CYP7B1: variants seen among roughly 807,000 people sequenced by gnomAD.
CYP7B1 encodes the protein cytochrome P450 family 7 subfamily B member 1.
In CYP7B1, 29 loss-of-function variants were observed where a neutral mutation model predicts 42.7. The ratio of observed to expected loss-of-function variants is 0.68; its 90% CI spans 0.51 to 0.93. CYP7B1 has a LOEUF of 0.93. Among genes scored for constraint, CYP7B1 ranks in the 40% least tolerant of loss-of-function variants. The pLI is 0.00. For missense variants in CYP7B1, 655 were observed against 600.5 expected, an observed-to-expected ratio of 1.09 and a Z score of -0.95; for synonymous variants, 235 against 218.2, an observed-to-expected ratio of 1.08 and a Z score of -0.68.
rs1018576985 is a variant in CYP7B1 at position 64,610,134 on chromosome 8, C to T, written c.1057+4892G>A. 3.9e-5 allele frequency among the ~76,000 whole-genome samples: 6 copies of T among 152,154 alleles called. No homozygotes were observed. In the South Asian group the frequency reaches 1.2e-3, roughly 31 times the overall value. The stretch of plus-strand genomic sequence containing the variant: ...ATTTAGATCTAAATACAATAATTTG[C>T]ATTTTAATTAAAGTTGCTTTTCAAT... On this transcript the variant is annotated intron_variant, in intron 4 of 5. Transcript: ENST00000310193.
chr8:64,791,571 G>A (rs548592831), intron 1 of CYP7B1, among the ~76,000 whole-genome samples: 58 of 152,296 alleles, frequency 3.8e-4, no homozygotes, highest in Non-Finnish European at 5.0e-4. Context: ...GCCTCCAGAC[G>A]CTGGAAAAGT....
chr8:64,688,247 C>T (rs1806686040), intron 1 of CYP7B1, among the ~76,000 whole-genome samples: 1 of 152,174 alleles, frequency 6.6e-6, no homozygotes, highest in African/African-American at 2.4e-5. Flanking sequence ...CTATCTCCAT[C>T]TTCTCTCTGA....
intron 1 of CYP7B1, among the ~76,000 whole-genome samples, chr8:64,694,713 T>C (rs1487249402): frequency 3.3e-5 from 5 of 152,220 alleles, no homozygotes; most frequent in African/African-American, 7.2e-5. Flanking sequence ...TGTGGAAGTA[T>C]TGATCCAAAA....
chr8:64,593,296 C>A lies in CYP7B1; in HGVS notation c.*3346G>T, dbSNP rs1187419535. On this transcript the variant is annotated 3_prime_UTR_variant, in exon 6 of 6. Transcript: ENST00000310193. ...GTGTGTGTGTGTGTGTAATCCAAGG[C>A]CTTTGCATAAAGCCAAGAACTTGCA... Among the ~76,000 whole-genome samples, 3 of 141,712 alleles carry A rather than the reference C, an allele frequency of 2.1e-5. No homozygotes were observed. Among genetic ancestry groups the A allele is most frequent in the Non-Finnish European group, 3.0e-5 (2 of 65,736 alleles). The allele number at this position is 141,712 out of a possible 152,430, so 93.0% of individuals were successfully genotyped here.
intron 1 of CYP7B1, among the ~76,000 whole-genome samples, chr8:64,790,650 G>A (rs974727177): frequency 1.4e-4 from 22 of 152,140 alleles, no homozygotes; most frequent in Admixed American, 3.9e-4. Flanking sequence ...TAATCAAAAC[G>A]TTTAACTAAC....
chr8:64,724,760 G>C (rs1419456560), intron 1 of CYP7B1, among the ~76,000 whole-genome samples: 2 of 152,116 alleles, frequency 1.3e-5, no homozygotes, highest in South Asian at 2.1e-4. Flanking sequence ...AGCAGCCTCA[G>C]AACGAAGATC....
intron 1 of CYP7B1, among the ~76,000 whole-genome samples, chr8:64,689,591 G>C (rs1036028496): frequency 1.3e-5 from 2 of 151,262 alleles, no homozygotes; most frequent in African/African-American, 4.9e-5. Context: ...TTTTGGACAG[G>C]GTCTCACTCT....
In CYP7B1 at chr8:64,591,716, G is replaced by A. The variant is rs1326116602; in HGVS notation, c.*4926C>T. On this transcript the variant is annotated 3_prime_UTR_variant, in exon 6 of 6. Coordinates refer to ENST00000310193, the MANE Select transcript of CYP7B1 (RefSeq NM_004820.5). ...GAAAGCCAAAACAAGGCAGATAAAAGTTTTCTTCTAGGTTGCTTATAAGCA... is the reference window on the plus strand; with the variant it reads ...GAAAGCCAAAACAAGGCAGATAAAAATTTTCTTCTAGGTTGCTTATAAGCA... Among the ~76,000 whole-genome samples, 1 of 152,142 alleles carries A rather than the reference G, an allele frequency of 6.6e-6. No individual in the cohort carries two copies. The highest frequency in any genetic ancestry group is 1.5e-5 in the Non-Finnish European group (1 of 68,010).
At chr8:64,751,695 A>G (rs1807727778) in intron 1 of CYP7B1, among the ~76,000 whole-genome samples, 1 of 152,180 alleles carries the variant, frequency 6.6e-6, no homozygotes, top group Non-Finnish European at 1.5e-5. Context: ...AACTGAAGCA[A>G]TATACTATGC....
intron 1 of CYP7B1, among the ~76,000 whole-genome samples, chr8:64,660,258 C>T (rs1029439286): frequency 1.2e-4 from 18 of 152,124 alleles, no homozygotes; most frequent in Admixed American, 3.3e-4. Context: ...ATTCCAGGAT[C>T]CATAATCTTA....
At chr8:64,646,396 A>C (rs1805955026) in intron 1 of CYP7B1, among the ~76,000 whole-genome samples, 1 of 152,354 alleles carries the variant, frequency 6.6e-6, no homozygotes, top group Admixed American at 6.5e-5. Context: ...GAAGGACATG[A>C]GCAGACACTT....
chr8:64,609,503 A>G (rs1243973915), intron 4 of CYP7B1, among the ~76,000 whole-genome samples: 1 of 152,226 alleles, frequency 6.6e-6, no homozygotes, highest in Non-Finnish European at 1.5e-5. Flanking sequence ...CAAAGTATGT[A>G]AAGACAACTA....
chr8:64,655,670 C>G (rs1041927325), intron 1 of CYP7B1, among the ~76,000 whole-genome samples: 3 of 152,090 alleles, frequency 2.0e-5, no homozygotes, highest in African/African-American at 7.2e-5. Flanking sequence ...TGTATATACC[C>G]AGAGGAATAT....
intron 1 of CYP7B1, among the ~76,000 whole-genome samples, chr8:64,782,301 C>A (rs998838638): frequency 2.0e-5 from 3 of 152,116 alleles, no homozygotes; most frequent in Non-Finnish European, 4.4e-5. Flanking sequence ...GAAGGTGGGG[C>A]CTTGGGAGGT....
chr8:64,604,724 A>T lies in CYP7B1; in HGVS notation c.1191T>A (p.Pro397=). The T allele has an allele frequency of 1.9e-6, 3 of 1,614,148 alleles. No individual in the cohort carries two copies. Among genetic ancestry groups the T allele is most frequent in the Non-Finnish European group, 2.5e-6 (3 of 1,180,026 alleles). ...TTTCAGGGTCACCATGTAGGACTGG[A>T]GGAAAGATGGCTACCAAGTCTCCCT... ...VRKGDLVAIF[P]PVLHGDPEIF... The change falls in exon 5 of 6, where the codon CCT becomes CCA. Residue 397 remains proline, a synonymous_variant. Coordinates refer to ENST00000310193, the MANE Select transcript of CYP7B1 (RefSeq NM_004820.5).
intron 4 of CYP7B1, among the ~76,000 whole-genome samples, chr8:64,607,478 C>G (rs1194268041): frequency 6.6e-6 from 1 of 152,034 alleles, no homozygotes; most frequent in Non-Finnish European, 1.5e-5. Context: ...AGTTCACATG[C>G]CTTCAAGCAT....
chr8:64,607,275 T>C (rs890461141), intron 4 of CYP7B1, among the ~76,000 whole-genome samples: 1 of 152,054 alleles, frequency 6.6e-6, no homozygotes, highest in African/African-American at 2.4e-5. Context: ...GTCAGAGAGA[T>C]TTTACATGTT....
At chr8:64,743,160 T>A (rs1269001410) in intron 1 of CYP7B1, among the ~76,000 whole-genome samples, 1 of 152,058 alleles carries the variant, frequency 6.6e-6, no homozygotes, top group African/African-American at 2.4e-5. Flanking sequence ...AAACAAAACA[T>A]TTTCCATTTT....
At chr8:64,790,118 A>C (rs962602701) in intron 1 of CYP7B1, among the ~76,000 whole-genome samples, 1 of 152,208 alleles carries the variant, frequency 6.6e-6, no homozygotes, top group African/African-American at 2.4e-5. Flanking sequence ...ATGTGAACAC[A>C]TTTTGAAAAG....
Sources: allele counts gnomAD v4.1 joint callset (sites outside exome capture counted in the v4.1 genomes callset), GRCh38; gene constraint gnomAD v4.1.1; transcripts MANE v1.5; gene names NCBI Gene and HGNC (gene_info 2026-07-23, HGNC 2026-07-21).